INVS: variants seen among roughly 807,000 people sequenced by gnomAD.
The protein encoded by INVS is inversion of embryo turning homolog.
Under a neutral mutation model 108.8 loss-of-function variants are expected in INVS, and 86 were observed. That is an observed-to-expected ratio of 0.79 (90% CI 0.66 to 0.95). The LOEUF is 0.95. Among genes scored for constraint, INVS ranks in the 40% least tolerant of loss-of-function variants. INVS has a pLI of 0.00. For synonymous variants in INVS, 455 were observed against 473.5 expected, an observed-to-expected ratio of 0.96 and a Z score of 0.51; for missense variants, 1,169 against 1,297.4, an observed-to-expected ratio of 0.90 and a Z score of 1.52.
chr9:100,133,393 C>T (rs1357894004), intron 3 of INVS, among the ~76,000 whole-genome samples: 2 of 151,296 alleles, frequency 1.3e-5, no homozygotes. Flanking sequence ...TATGGGTAAA[C>T]CATATTATTT....
intron 10 of INVS, among the ~76,000 whole-genome samples, chr9:100,254,051 A>G (rs1160124228): frequency 6.6e-6 from 1 of 152,022 alleles, no homozygotes; most frequent in African/African-American, 2.4e-5. Flanking sequence ...AAGTGTTCCT[A>G]TTTCTCCACA....
chr9:100,143,853 C>G (rs117484894), intron 3 of INVS, among the ~76,000 whole-genome samples: 2 of 151,818 alleles, frequency 1.3e-5, no homozygotes, highest in African/African-American at 4.8e-5. Flanking sequence ...GCTTCCATAT[C>G]GATTAAGAAG....
At chr9:100,224,856 C>T (rs1831261689) in intron 3 of INVS, among the ~76,000 whole-genome samples, 1 of 151,626 alleles carries the variant, frequency 6.6e-6, no homozygotes, top group African/African-American at 2.4e-5. Flanking sequence ...CCTCGTGATC[C>T]CCCCACCTCA....
chr9:100,263,129 AT>A (rs1832683049), intron 10 of INVS, among the ~76,000 whole-genome samples: 1 of 151,764 alleles, frequency 6.6e-6, no homozygotes, highest in African/African-American at 2.4e-5. Flanking sequence ...CTATTTCCTA[AT>A]TTCTATTTTG....
At chr9:100,166,643 T>G (rs1829373725) in intron 3 of INVS, among the ~76,000 whole-genome samples, 1 of 152,166 alleles carries the variant, frequency 6.6e-6, no homozygotes. Context: ...TTATACAAAG[T>G]CCTGTTCACC....
At chr9:100,262,903 C>T (rs1176286303) in intron 10 of INVS, among the ~76,000 whole-genome samples, 1 of 152,042 alleles carries the variant, frequency 6.6e-6, no homozygotes, top group African/African-American at 2.4e-5. Flanking sequence ...CACACCACCA[C>T]ACCTGGCTAA....
intron 3 of INVS, among the ~76,000 whole-genome samples, chr9:100,221,671 G>A (rs1182541915): frequency 6.6e-6 from 1 of 151,380 alleles, no homozygotes; most frequent in East Asian, 1.9e-4. Flanking sequence ...GCAGAATATA[G>A]ACATCTTTCT....
At chr9:100,197,052 A>G (rs1034497297) in intron 3 of INVS, among the ~76,000 whole-genome samples, 9 of 152,262 alleles carry the variant, frequency 5.9e-5, no homozygotes, top group African/African-American at 1.9e-4. Context: ...AGATGGTATC[A>G]GATACCACAG....
rs557121013 is a variant in INVS at position 100,118,301 on chromosome 9, C to T, written c.107-8082C>T. On this transcript the variant is annotated intron_variant, in intron 2 of 16. Coordinates refer to ENST00000262457, the MANE Select transcript of INVS (RefSeq NM_014425.5). Reference sequence around the variant, plus strand: ...TCAGCTCACTGCAACCTCCACCTCCCGGGTTCAAGCGATTCTCTTGCCTCA... The same window carrying T: ...TCAGCTCACTGCAACCTCCACCTCCTGGGTTCAAGCGATTCTCTTGCCTCA... 4.6e-5 allele frequency among the ~76,000 whole-genome samples: 7 copies of T among 151,878 alleles called. No homozygotes were observed. In the South Asian group the frequency reaches 6.3e-4, roughly 14 times the overall value.
intron 2 of INVS, among the ~76,000 whole-genome samples, chr9:100,111,963 T>C (rs530545419): frequency 6.6e-6 from 1 of 152,124 alleles, no homozygotes; most frequent in African/African-American, 2.4e-5. Flanking sequence ...TTTCTAATCA[T>C]TTAGGGGATA....
At chr9:100,175,516 A>C (rs570891411) in intron 3 of INVS, 38 of 755,056 alleles carry the variant, frequency 5.0e-5, no homozygotes, top group Middle Eastern at 4.6e-4. Context: ...CAGCAGATGC[A>C]AGAACTTTAC....
chr9:100,169,723 A>G (rs1361369912), intron 3 of INVS, among the ~76,000 whole-genome samples: 5 of 152,188 alleles, frequency 3.3e-5, no homozygotes, highest in Admixed American at 6.5e-5. Context: ...AATAAAGGTG[A>G]GTTGACAGTA....
At chr9:100,172,401 A>G (rs1481141630) in intron 3 of INVS, among the ~76,000 whole-genome samples, 1 of 152,182 alleles carries the variant, frequency 6.6e-6, no homozygotes, top group East Asian at 1.9e-4. Flanking sequence ...TTCGTTCTGG[A>G]TACAGTTTAA....
chr9:100,189,795 G>T (rs546387623), intron 3 of INVS, among the ~76,000 whole-genome samples: 2 of 151,374 alleles, frequency 1.3e-5, no homozygotes, highest in East Asian at 3.9e-4. Flanking sequence ...TTGCCATGTC[G>T]GCCAGGTTGG....
intron 3 of INVS, among the ~76,000 whole-genome samples, chr9:100,195,392 G>T (rs1004513156): frequency 2.0e-5 from 3 of 152,076 alleles, no homozygotes; most frequent in African/African-American, 7.2e-5. Flanking sequence ...GTGTTGCCCA[G>T]GCTACACTTG....
intron 3 of INVS, among the ~76,000 whole-genome samples, chr9:100,188,481 C>G (rs1417605352): frequency 2.6e-5 from 4 of 152,056 alleles, no homozygotes; most frequent in Non-Finnish European, 5.9e-5. Context: ...ATGAATCGTA[C>G]TTATTGACTT....
chr9:100,258,525 C>G (rs947653643), intron 10 of INVS, among the ~76,000 whole-genome samples: 1 of 152,158 alleles, frequency 6.6e-6, no homozygotes, highest in African/African-American at 2.4e-5. Context: ...ACTCTGGTTT[C>G]TCCCCATCTT....
chr9:100,297,424 G>A (rs758713290), intron 15 of INVS, among the ~76,000 whole-genome samples: 1 of 152,132 alleles, frequency 6.6e-6, no homozygotes, highest in Non-Finnish European at 1.5e-5. Context: ...GTGCCCTCAA[G>A]CTTTACTGTT....
At chr9:100,269,334 G>A (rs996457318) in intron 11 of INVS, among the ~76,000 whole-genome samples, 5 of 152,046 alleles carry the variant, frequency 3.3e-5, no homozygotes, top group African/African-American at 1.2e-4. Context: ...ATTAGAGAAA[G>A]TACAGTCAAG....
Sources: allele counts gnomAD v4.1 joint callset (sites outside exome capture counted in the v4.1 genomes callset), GRCh38; gene constraint gnomAD v4.1.1; transcripts MANE v1.5; gene names NCBI Gene and HGNC (gene_info 2026-07-23, HGNC 2026-07-21).